UTRN: variants seen among roughly 807,000 people sequenced by gnomAD.
The protein encoded by UTRN is utrophin, also known as dystrophin-related protein 1.
UTRN carries 283 observed loss-of-function variants against 463.9 expected under a neutral mutation model. The observed-to-expected ratio is 0.61, with a 90% CI of 0.55 to 0.67. UTRN has a LOEUF of 0.67. Among genes scored for constraint, UTRN ranks in the 30% least tolerant of loss-of-function variants. The pLI is 0.00. For missense variants in UTRN, 3,922 were observed against 4,084.3 expected (o/e 0.96, Z 1.08); for synonymous variants, 1,442 against 1,431.5 (o/e 1.01, Z -0.17).
chr6:144,376,488 G>C (rs1005079566), intron 2 of UTRN, among the ~76,000 whole-genome samples: 1 of 151,810 alleles, frequency 6.6e-6, no homozygotes, highest in African/African-American at 2.4e-5. Context: ...AGAGACAGAG[G>C]CCTCACTATG....
At chr6:144,693,915 A>C (rs1185268139) in intron 52 of UTRN, among the ~76,000 whole-genome samples, 1 of 152,030 alleles carries the variant, frequency 6.6e-6, no homozygotes, top group Non-Finnish European at 1.5e-5. Flanking sequence ...CCTGGGCAGG[A>C]CTTCCAATAT....
At chr6:144,580,845 A>G (rs1193612606) in intron 51 of UTRN, among the ~76,000 whole-genome samples, 1 of 152,198 alleles carries the variant, frequency 6.6e-6, no homozygotes. Flanking sequence ...TGAACTAGAC[A>G]AGAGTGACAG....
chr6:144,771,220 G>C (rs1275177878), intron 58 of UTRN, among the ~76,000 whole-genome samples: 2 of 152,156 alleles, frequency 1.3e-5, no homozygotes, highest in East Asian at 3.9e-4. Context: ...TTTGAAATAG[G>C]CAAAGCAAAG....
Position 144,360,100 on chromosome 6 carries a change from CCCT to C in UTRN, c.80-43020_80-43018del, listed in dbSNP as rs1562292462. 1.4e-4 allele frequency among the ~76,000 whole-genome samples: 15 copies of C among 104,284 alleles called. 2 individuals are homozygous for C. The highest frequency in any genetic ancestry group is 7.5e-4 in the African/African-American group (15 of 20,114). 68.4% of individuals were successfully genotyped at this position (104,284 alleles called of 152,430 possible). On this transcript the variant is annotated intron_variant, in intron 2 of 74. Coordinates refer to ENST00000367545, the MANE Select transcript of UTRN (RefSeq NM_007124.3). ...CCCTTCCCTTCCCTTCCCTCCCCTC[CCCT>C]CCCCTCCCCCCTTCCTTCCTTCCTT... is the stretch of plus-strand genomic sequence containing the variant.
At chr6:144,292,317 T>C (rs904423097) in intron 2 of UTRN, among the ~76,000 whole-genome samples, 13 of 152,196 alleles carry the variant, frequency 8.5e-5, no homozygotes, top group Non-Finnish European at 1.5e-4. Context: ...CTCACCCCCA[T>C]CCCTGTTCAT....
intron 64 of UTRN, among the ~76,000 whole-genome samples, chr6:144,801,977 T>G (rs1777738167): frequency 6.6e-6 from 1 of 152,162 alleles, no homozygotes; most frequent in Non-Finnish European, 1.5e-5. Flanking sequence ...TGGTTTTTAT[T>G]GCACTGGTCA....
intron 74 of UTRN, among the ~76,000 whole-genome samples, chr6:144,849,612 CTCTTT>C (rs1158069536): frequency 1.3e-5 from 2 of 151,998 alleles, no homozygotes; most frequent in Admixed American, 6.6e-5. Flanking sequence ...TCCTGCTCTT[CTCTTT>C]TCTTCATTTT....
At chr6:144,377,191 C>T (rs955910038) in intron 2 of UTRN, among the ~76,000 whole-genome samples, 1 of 152,058 alleles carries the variant, frequency 6.6e-6, no homozygotes, top group African/African-American at 2.4e-5. Flanking sequence ...GCGTGCACCA[C>T]CACACCTGGC....
At chr6:144,533,715 T>TGTGTA (rs1225046093) in intron 43 of UTRN, among the ~76,000 whole-genome samples, 320 of 103,990 alleles carry the variant, frequency 3.1e-3, no homozygotes, top group African/African-American at 0.012. Context: ...GTTCTTCATC[T>TGTGTA]ATGTAATATA....
intron 19 of UTRN, among the ~76,000 whole-genome samples, chr6:144,454,347 A>T (rs1788613336): frequency 6.6e-6 from 1 of 152,112 alleles, no homozygotes; most frequent in African/African-American, 2.4e-5. Flanking sequence ...GGTGTTACTT[A>T]TATATGAAAT....
chr6:144,491,198 T>C, intron 32 of UTRN, 96 bp downstream of exon 32: 1 of 1,191,084 alleles, frequency 8.4e-7, no homozygotes. Flanking sequence ...CAGTGATCAC[T>C]AGTCTACAGT....
intron 2 of UTRN, among the ~76,000 whole-genome samples, chr6:144,389,622 G>A (rs755382818): frequency 5.9e-5 from 9 of 151,408 alleles, no homozygotes; most frequent in Non-Finnish European, 8.8e-5. Flanking sequence ...CCCCTGAGAC[G>A]GGGTCTGGCT....
chr6:144,298,461 C>T (rs1425317443), intron 2 of UTRN, among the ~76,000 whole-genome samples: 1 of 152,036 alleles, frequency 6.6e-6, no homozygotes, highest in Non-Finnish European at 1.5e-5. Flanking sequence ...TGGGGCTCTT[C>T]TATCAGAAGC....
intron 50 of UTRN, among the ~76,000 whole-genome samples, chr6:144,575,992 T>C (rs924441953): frequency 6.6e-6 from 1 of 152,224 alleles, no homozygotes; most frequent in Non-Finnish European, 1.5e-5. Context: ...GGAAATTTTG[T>C]ATAAATGGAA....
At chr6:144,509,907 T>C (rs998079124) in intron 34 of UTRN, among the ~76,000 whole-genome samples, 6 of 152,156 alleles carry the variant, frequency 3.9e-5, no homozygotes, top group African/African-American at 1.4e-4. Flanking sequence ...ACTGAAGAAA[T>C]GAAAGATTCT....
chr6:144,491,126 C>T (rs1182106883), intron 32 of UTRN, 24 bp downstream of exon 32: 3 of 1,571,968 alleles, frequency 1.9e-6, no homozygotes, highest in South Asian at 2.4e-5. Flanking sequence ...GTGATTGGCA[C>T]ATCCAGTGGC....
intron 33 of UTRN, among the ~76,000 whole-genome samples, chr6:144,498,445 C>T (rs1318662334): frequency 6.6e-6 from 1 of 152,108 alleles, no homozygotes; most frequent in African/African-American, 2.4e-5. Flanking sequence ...TTTGTATAGT[C>T]GTGTACTGCA....
chr6:144,463,900 T>C (rs1789668429), intron 23 of UTRN, among the ~76,000 whole-genome samples: 1 of 151,542 alleles, frequency 6.6e-6, no homozygotes, highest in Non-Finnish European at 1.5e-5. Context: ...GATGTCTCTG[T>C]ATATATGCAT....
At chr6:144,460,045 T>C (rs1182210133) in intron 21 of UTRN, among the ~76,000 whole-genome samples, 1 of 151,300 alleles carries the variant, frequency 6.6e-6, no homozygotes, top group African/African-American at 2.4e-5. Flanking sequence ...AATTTCTTCC[T>C]TTGGTTGAGG....
Sources: allele counts gnomAD v4.1 joint callset (sites outside exome capture counted in the v4.1 genomes callset), GRCh38; gene constraint gnomAD v4.1.1; transcripts MANE v1.5; gene names NCBI Gene and HGNC (gene_info 2026-07-23, HGNC 2026-07-21).